SERPINB9: variants seen among roughly 807,000 people sequenced by gnomAD.
The protein encoded by SERPINB9 is serpin B9.
SERPINB9 carries 20 observed loss-of-function variants against 27.2 expected under a neutral mutation model. The observed-to-expected ratio is 0.74, with a 90% CI of 0.52 to 1.07. SERPINB9 has a LOEUF of 1.07. Ranked by LOEUF, SERPINB9 falls within the 50% of genes least tolerant of loss-of-function variation. The probability of loss-of-function intolerance (pLI) is 0.00; values close to 1 mark genes in which losing one functional copy is unlikely to be tolerated. For missense variants in SERPINB9, 476 were observed against 460.1 expected (o/e 1.03, Z -0.32); for synonymous variants, 189 against 180.0 (o/e 1.05, Z -0.40).
intron 1 of SERPINB9, among the ~76,000 whole-genome samples, chr6:2,902,049 A>T (rs1357071217): frequency 1.3e-5 from 2 of 151,690 alleles, no homozygotes; most frequent in Non-Finnish European, 2.9e-5. Flanking sequence ...GCTCAAAGCC[A>T]CCTTGTTAAA....
intron 3 of SERPINB9, 73 bp from the exon 4 acceptor site, chr6:2,895,581 A>G (rs1180372191): frequency 9.1e-6 from 8 of 882,218 alleles, no homozygotes; most frequent in Non-Finnish European, 1.5e-5. Context: ...AAAATTCTAA[A>G]TATGTTATCT....
chr6:2,888,826 A>T lies in SERPINB9; in HGVS notation c.*1337T>A, dbSNP rs1403413130. 6.6e-6 allele frequency: 1 copy of T among 152,134 alleles called. No individual in the cohort carries two copies. Among genetic ancestry groups the T allele is most frequent in the Non-Finnish European group, 1.5e-5 (1 of 68,020 alleles). The allele number at this position is 152,134 out of a possible 1,614,324, so 9.4% of individuals were successfully genotyped here. A position where few individuals can be genotyped will look rare whatever the true frequency, so the allele number is the denominator to read the frequency against. On this transcript the variant is annotated 3_prime_UTR_variant, in exon 7 of 7. Coordinates refer to ENST00000380698, the MANE Select transcript of SERPINB9 (RefSeq NM_004155.6). ...TTCTCACTTTAAAATAGTTAATTTT[A>T]TGTTATGTGAAGTTTACCTCAATAA...
At position 2,890,140 on chromosome 6, in the gene SERPINB9, C is replaced by T. The variant is rs773220000; in HGVS notation, c.*23G>A. The T allele has an allele frequency of 1.3e-5, 20 of 1,594,126 alleles. 1 individual carries two copies. The highest frequency in any genetic ancestry group is 8.6e-5 in the Admixed American group (5 of 57,894). ...GGGGACACAGGAAGAGGGAAATGGC[C>T]GAGTGCACGGTAAGTGCACCCTTTA... On this transcript the variant is annotated 3_prime_UTR_variant, in exon 7 of 7. Transcript: ENST00000380698. The surrounding 1 kb of genome is among the most constrained non-coding windows in gnomAD (Gnocchi z 6.2).
intron 2 of SERPINB9, 149 bp downstream of exon 2, chr6:2,900,295 A>C: frequency 2.3e-6 from 2 of 876,546 alleles, no homozygotes; most frequent in Non-Finnish European, 3.5e-6. Flanking sequence ...CTTCTTCCCC[A>C]GTGGACCCCG....
intron 1 of SERPINB9, among the ~76,000 whole-genome samples, chr6:2,901,197 G>A (rs1768189796): frequency 6.6e-6 from 1 of 152,178 alleles, no homozygotes; most frequent in Non-Finnish European, 1.5e-5. Context: ...CAGCCGGGGT[G>A]GAGCCAGGCT....
Position 2,894,050 on chromosome 6 carries a change from C to G in SERPINB9, c.425-497G>C, listed in dbSNP as rs1767915215. Among the ~76,000 whole-genome samples, 1 of 152,038 alleles carries G rather than the reference C, an allele frequency of 6.6e-6. No homozygotes were observed. Among genetic ancestry groups the G allele is most frequent in the Admixed American group, 6.6e-5 (1 of 15,266 alleles). ...TGGAGGAGATATTCCTGCTGAATCC[C>G]CTCAACAAAGCACTAGGCATCCCTG... On this transcript the variant is annotated intron_variant, in intron 4 of 6. Coordinates refer to ENST00000380698, the MANE Select transcript of SERPINB9 (RefSeq NM_004155.6). This position sits in a 1 kb window ranked among gnomAD's most constrained non-coding sequence, Gnocchi z 4.7.
intron 4 of SERPINB9, among the ~76,000 whole-genome samples, chr6:2,893,970 C>T (rs973469173): frequency 6.6e-5 from 10 of 152,008 alleles, no homozygotes; most frequent in Non-Finnish European, 8.8e-5. Flanking sequence ...CCAGAATGGA[C>T]GGCTCAAAGC....
intron 4 of SERPINB9, among the ~76,000 whole-genome samples, chr6:2,893,941 A>G (rs1177381424): frequency 6.6e-6 from 1 of 152,104 alleles, no homozygotes; most frequent in Non-Finnish European, 1.5e-5. Context: ...GTGACTATAC[A>G]TGGACATGTC....
Position 2,900,627 on chromosome 6 carries a change from AG to A in SERPINB9, c.-10-7del. The A allele has an allele frequency of 6.2e-7, 1 of 1,612,956 alleles. No individual in the cohort carries two copies. Among genetic ancestry groups the A allele is most frequent in the Non-Finnish European group, 8.5e-7 (1 of 1,179,190 alleles). On this transcript the variant is annotated splice_polypyrimidine_tract_variant and splice_region_variant and intron_variant, in intron 1 of 6. Transcript: ENST00000380698. Reference sequence around the variant, plus strand: ...GAGTTTCCATGATGCAGGGCCTGGAAGGGAAGAATAAAGAGAAATGCAGTTT... The same window carrying A: ...GAGTTTCCATGATGCAGGGCCTGGAAGGAAGAATAAAGAGAAATGCAGTTT...
Position 2,889,491 on chromosome 6 carries a change from C to G in SERPINB9, c.*672G>C, listed in dbSNP as rs187443110. On this transcript the variant is annotated 3_prime_UTR_variant, in exon 7 of 7. Transcript: ENST00000380698. ...CGGGTGGATCACGAGGTCAGGAGAT[C>G]GACACCATCCTGGCTAACACGGTGA... 4 of 151,832 alleles carry G rather than the reference C, an allele frequency of 2.6e-5. No individual in the cohort carries two copies. The highest frequency in any genetic ancestry group is 3.9e-4 in the East Asian group (2 of 5,188). 9.4% of individuals were successfully genotyped at this position (151,832 alleles called of 1,614,324 possible). A position where few individuals can be genotyped will look rare whatever the true frequency, so the allele number is the denominator to read the frequency against.
Position 2,900,596 on chromosome 6 carries a change from TAGAA to T in SERPINB9, c.12_15del (p.Ser5MetfsTer11), listed in dbSNP as rs781241656. ...CGTATGGCAAAAGTACCACTTGCAT[TAGAA>T]AGAGTTTCCATGATGCAGGGCCTGG... is the stretch of plus-strand genomic sequence containing the variant. On this transcript the variant is annotated frameshift_variant, in exon 2 of 7. Coordinates refer to ENST00000380698, the MANE Select transcript of SERPINB9 (RefSeq NM_004155.6). LOFTEE classifies it high-confidence loss of function. 11 of 1,613,976 alleles carry T rather than the reference TAGAA, an allele frequency of 6.8e-6. No homozygotes were observed. Among genetic ancestry groups the T allele is most frequent in the Non-Finnish European group, 8.5e-7 (1 of 1,180,010 alleles).
chr6:2,895,062 T>C (rs1767947661), intron 4 of SERPINB9, among the ~76,000 whole-genome samples: 1 of 152,236 alleles, frequency 6.6e-6, no homozygotes, highest in Non-Finnish European at 1.5e-5. Context: ...TGGCCCTCTT[T>C]TGACATTTGT....
intron 3 of SERPINB9, among the ~76,000 whole-genome samples, chr6:2,895,711 A>G (rs2113609518): frequency 6.6e-6 from 1 of 152,212 alleles, no homozygotes; most frequent in Admixed American, 6.5e-5. Flanking sequence ...TGAACTTGAG[A>G]ATTTTACCTT....
chr6:2,890,690 T>C lies in SERPINB9; in HGVS notation c.724-120A>G, dbSNP rs550174926. The C allele has an allele frequency of 3.2e-6, 3 of 940,184 alleles. No homozygotes were observed. Among genetic ancestry groups the C allele is most frequent in the Non-Finnish European group, 4.8e-6 (3 of 624,210 alleles). 58.2% of individuals were successfully genotyped at this position (940,184 alleles called of 1,614,324 possible). ...GTGTTGTTTGTTCACATAGGATCAG[T>C]GGCCCCTTCATCTGCCAGAAGCTTG... On this transcript the variant is annotated intron_variant, in intron 6 of 6. Coordinates refer to ENST00000380698, the MANE Select transcript of SERPINB9 (RefSeq NM_004155.6). The surrounding 1 kb of genome is among the most constrained non-coding windows in gnomAD (Gnocchi z 6.2).
At position 2,900,662 on chromosome 6, in the gene SERPINB9, C is replaced by T. The variant is rs761864185; in HGVS notation, c.-10-41G>A. On this transcript the variant is annotated intron_variant, in intron 1 of 6. Transcript: ENST00000380698. ...AAAGAGAAATGCAGTTTCCACACTC[C>T]CTGAATGTTACTGACCTACTTACTA... The T allele has an allele frequency of 1.8e-5, 28 of 1,569,520 alleles. No individual in the cohort carries two copies. The South Asian group carries it at 3.2e-4, about 18-fold the overall frequency.
chr6:2,896,022 C>T (rs1361135078), intron 3 of SERPINB9, 31 bp downstream of exon 3: 1 of 1,594,830 alleles, frequency 6.3e-7, no homozygotes, highest in African/African-American at 1.3e-5. Flanking sequence ...ATGTTGAATG[C>T]AACTTTTATT....
At position 2,891,849 on chromosome 6, in the gene SERPINB9, C is replaced by G. The variant is rs1365617695; in HGVS notation, c.707G>C (p.Gly236Ala). Residue 236 changes from glycine (G) to alanine (A), a missense_variant, in exon 6 of 7, where the codon GGC (glycine) becomes GCC (alanine). By Grantham distance (60) the Gly-to-Ala change is moderately conservative (BLOSUM62 0). Coordinates refer to ENST00000380698, the MANE Select transcript of SERPINB9 (RefSeq NM_004155.6). This position sits in a 1 kb window ranked among gnomAD's most constrained non-coding sequence, Gnocchi z 4.0. ...LSLLVLLPDD[G>A]VELSTVEKSL... is the part of the protein sequence containing the mutation. Reference sequence around the variant, plus strand: ...GGGTCTTACCGTGCTGAGCTCCACGCCGTCGTCAGGCAGCAGCACCAGCAG... The same window carrying G: ...GGGTCTTACCGTGCTGAGCTCCACGGCGTCGTCAGGCAGCAGCACCAGCAG... 2 of 1,606,738 alleles carry G rather than the reference C, an allele frequency of 1.2e-6. No individual in the cohort carries two copies. The highest frequency in any genetic ancestry group is 3.4e-5 in the Admixed American group (2 of 59,272).
rs1233028213 is a variant in SERPINB9 at position 2,900,468 on chromosome 6, T to C, written c.144A>G (p.Gly48=). The C allele has an allele frequency of 6.2e-7, 1 of 1,613,906 alleles. No individual in the cohort carries two copies. Among genetic ancestry groups the C allele is most frequent in the Non-Finnish European group, 8.5e-7 (1 of 1,180,010 alleles). ...ALAMVLLGAK[G]NTATQMAQAL... ...CCTGGGCCATCTGGGTTGCGGTGTT[T>C]CCCTTTGCCCCTAGGAGAACCATGG... Residue 48 remains glycine, a synonymous_variant, in exon 2 of 7, where the codon GGA becomes GGG. Coordinates refer to ENST00000380698, the MANE Select transcript of SERPINB9 (RefSeq NM_004155.6).
intron 4 of SERPINB9, 95 bp downstream of exon 4, chr6:2,895,296 G>C: frequency 1.3e-6 from 1 of 751,132 alleles, no homozygotes; most frequent in Admixed American, 2.3e-5. Context: ...GGGAGAGGAG[G>C]AGGAGAGAGG....
Sources: allele counts gnomAD v4.1 joint callset (sites outside exome capture counted in the v4.1 genomes callset), GRCh38; gene constraint gnomAD v4.1.1; non-coding constraint Gnocchi (gnomAD v3.1); transcripts MANE v1.5; gene names NCBI Gene and HGNC (gene_info 2026-07-23, HGNC 2026-07-21).